Variants in KDM6B observed in about 807,000 individuals in gnomAD.
The protein encoded by KDM6B is lysine demethylase 6B.
KDM6B carries 22 observed loss-of-function variants against 150.4 expected under a neutral mutation model. The ratio of observed to expected loss-of-function variants is 0.15; its 90% CI spans 0.10 to 0.21. The LOEUF (loss-of-function observed/expected upper bound fraction) is 0.21. Ranked by LOEUF, KDM6B falls within the 10% of genes least tolerant of loss-of-function variation. KDM6B has a pLI of 1.00. For synonymous variants in KDM6B, 1,148 were observed against 921.1 expected (o/e 1.25, Z -4.46); for missense variants, 1,984 against 2,234.3 (o/e 0.89, Z 2.26).
intron 14 of KDM6B, among the ~76,000 whole-genome samples, chr17:7,850,689 T>TA (rs201430602): frequency 3.1e-5 from 1 of 32,074 alleles, no homozygotes; most frequent in African/African-American, 8.7e-5. Flanking sequence ...AGACTCCAAA[T>TA]GGGGAAAAAA....
rs1306079019 is a variant in KDM6B at position 7,844,059 on chromosome 17, C to CT, written c.-268-842_-268-841insT. 4.8e-5 allele frequency: 6 copies of CT among 124,538 alleles called. No individual in the cohort carries two copies. Among genetic ancestry groups the CT allele is most frequent in the African/African-American group, 1.9e-4 (6 of 31,844 alleles). 7.7% of individuals were successfully genotyped at this position (124,538 alleles called of 1,614,324 possible). A position where few individuals can be genotyped will look rare whatever the true frequency, so the allele number is the denominator to read the frequency against. On this transcript the variant is annotated intron_variant, in intron 2 of 23. Coordinates refer to ENST00000448097, the MANE Select transcript of KDM6B (RefSeq NM_001348716.2). The surrounding 1 kb of genome is among the most constrained non-coding windows in gnomAD (Gnocchi z 5.9). ...CCCGCCCTCCTCCCTCCCTCAGGAC[C>CT]CCCCCCCCCGCAGTACATTTACACA...
In KDM6B at chr17:7,847,587, T is replaced by C; in HGVS notation, c.1299T>C (p.Ser433=). ...DHYQTPALEV[S]HHGRLGPSAH... is the part of the protein sequence containing the mutation. Reference sequence around the variant, plus strand: ...ACCAAACTCCCGCGCTGGAGGTCTCTCACCATGGCCGCCTGGGGCCCTCGG... The same window carrying C: ...ACCAAACTCCCGCGCTGGAGGTCTCCCACCATGGCCGCCTGGGGCCCTCGG... The change falls in exon 12 of 24, where the codon TCT becomes TCC. Residue 433 remains serine, a synonymous_variant. Transcript: ENST00000448097. The C allele has an allele frequency of 1.2e-6, 2 of 1,612,844 alleles. No homozygotes were observed. The highest frequency in any genetic ancestry group is 1.7e-6 in the Non-Finnish European group (2 of 1,179,746).
intron 1 of KDM6B, among the ~76,000 whole-genome samples, chr17:7,835,359 C>G (rs754304039): frequency 1.1e-4 from 17 of 151,696 alleles, no homozygotes; most frequent in Non-Finnish European, 1.8e-4. Flanking sequence ...TGGGGAAGGC[C>G]GAGGGCAGGA....
At chr17:7,837,006 T>C (rs1207140257) in intron 1 of KDM6B, among the ~76,000 whole-genome samples, 1 of 152,134 alleles carries the variant, frequency 6.6e-6, no homozygotes, top group African/African-American at 2.4e-5. Flanking sequence ...CTTAGCATCC[T>C]GCAGGTGGGA....
chr17:7,849,789 GT>G lies in KDM6B; in HGVS notation c.3441-29del, dbSNP rs760054359. The G allele has an allele frequency of 1.1e-5, 18 of 1,612,870 alleles. No individual in the cohort carries two copies. The South Asian group carries it at 2.0e-4, about 18-fold the overall frequency. ...GGCTCCCTTCCCCCATCACCCTGAT[GT>G]TTCTGTCTTCATTCCACTGTCCTCC... On this transcript the variant is annotated intron_variant, in intron 12 of 23. Transcript: ENST00000448097.
intron 2 of KDM6B, among the ~76,000 whole-genome samples, chr17:7,842,477 G>C (rs1182574403): frequency 6.6e-6 from 1 of 152,256 alleles, no homozygotes; most frequent in Non-Finnish European, 1.5e-5. Flanking sequence ...CGAGGAGTCT[G>C]TGGGTGTCAG....
At chr17:7,836,944 C>G (rs1323266944) in intron 1 of KDM6B, among the ~76,000 whole-genome samples, 1 of 152,172 alleles carries the variant, frequency 6.6e-6, no homozygotes, top group Non-Finnish European at 1.5e-5. Context: ...ACCTCTGCCC[C>G]GAGTCCAGTT....
Position 7,849,571 on chromosome 17 carries a change from C to T in KDM6B, c.3283C>T (p.Leu1095Phe). 1 of 1,612,786 alleles carries T rather than the reference C, an allele frequency of 6.2e-7. No individual in the cohort carries two copies. The highest frequency in any genetic ancestry group is 1.1e-5 in the South Asian group (1 of 91,080). The change falls in exon 12 of 24, where the codon CTT (leucine) becomes TTT (phenylalanine). Residue 1095 changes from leucine (L) to phenylalanine (F), a missense_variant. Leu to Phe is a conservative substitution (Grantham distance 22). This residue lies in a region of KDM6B where 1,379 missense variants were observed against 1,275.6 expected (regional missense o/e 1.08). Transcript: ENST00000448097. ...SRADMLKLRS[L>F]SEGPPKELKI... is the part of the protein sequence containing the mutation. ...GGCCGACATGCTGAAGCTGCGCTCA[C>T]TTAGTGAGGGGCCCCCCAAGGAGCT...
Position 7,848,286 on chromosome 17 carries a change from A to G in KDM6B, c.1998A>G (p.Arg666=). 1 of 1,610,400 alleles carries G rather than the reference A, an allele frequency of 6.2e-7. No individual in the cohort carries two copies. Among genetic ancestry groups the G allele is most frequent in the Non-Finnish European group, 8.5e-7 (1 of 1,179,380 alleles). The change falls in exon 12 of 24, where the codon CGA becomes CGG. Residue 666 remains arginine (R), a synonymous_variant. Coordinates refer to ENST00000448097, the MANE Select transcript of KDM6B (RefSeq NM_001348716.2). Reference sequence around the variant, plus strand: ...CCGGGGTTGGGGAGCTGCCTGCCCGAGGCCCTCGACTCTTTGATTTTCCCC... The same window carrying G: ...CCGGGGTTGGGGAGCTGCCTGCCCGGGGCCCTCGACTCTTTGATTTTCCCC... ...VPPGVGELPA[R]GPRLFDFPPT...
chr17:7,850,994 G>T, intron 14 of KDM6B, 27 bp from the exon 15 acceptor site: 1 of 1,569,840 alleles, frequency 6.4e-7, no homozygotes, highest in Admixed American at 1.9e-5. Flanking sequence ...CCTCTGCCCC[G>T]ACACCCTGCT....
At position 7,846,080 on chromosome 17, in the gene KDM6B, C is replaced by A; in HGVS notation, c.239C>A (p.Ala80Glu). Residue 80 changes from alanine to glutamate, a missense_variant and splice_region_variant, in exon 7 of 24, where the codon GCG (alanine) becomes GAG (glutamate). By Grantham distance (107) the Ala-to-Glu change is moderately radical. Coordinates refer to ENST00000448097, the MANE Select transcript of KDM6B (RefSeq NM_001348716.2). Reference protein sequence around the residue: ...HPSKPYYAPGAPTPRPLHGKL... With the variant: ...HPSKPYYAPGEPTPRPLHGKL... Reference sequence around the variant, plus strand: ...CCCCCACCCCTTCTGCTCTGTAGGGCGCCCACTCCAAGACCCCTCCATGGG... The same window carrying A: ...CCCCCACCCCTTCTGCTCTGTAGGGAGCCCACTCCAAGACCCCTCCATGGG... 1 of 891,790 alleles carries A rather than the reference C, an allele frequency of 1.1e-6. No individual in the cohort carries two copies. The allele number at this position is 891,790 out of a possible 1,614,324, so 55.2% of individuals were successfully genotyped here. A position where few individuals can be genotyped will look rare whatever the true frequency, so the allele number is the denominator to read the frequency against.
chr17:7,854,299 G>A lies in KDM6B; in HGVS notation c.*778G>A. On this transcript the variant is annotated 3_prime_UTR_variant, in exon 24 of 24. Coordinates refer to ENST00000448097, the MANE Select transcript of KDM6B (RefSeq NM_001348716.2). ...AACCCGCTCCCCTCCCCTACGTCCT[G>A]CACTTTCTCGGACCAGTCCCCCCAC... The A allele has an allele frequency of 6.6e-6, 1 of 152,566 alleles. No homozygotes were observed. Among genetic ancestry groups the A allele is most frequent in the Non-Finnish European group, 1.5e-5 (1 of 68,068 alleles). The allele number at this position is 152,566 out of a possible 1,614,324, so 9.5% of individuals were successfully genotyped here. A position where few individuals can be genotyped will look rare whatever the true frequency, so the allele number is the denominator to read the frequency against.
At position 7,847,819 on chromosome 17, in the gene KDM6B, C is replaced by A. The variant is rs1264008565; in HGVS notation, c.1531C>A (p.Pro511Thr). The A allele has an allele frequency of 1.3e-6, 2 of 1,500,858 alleles. No homozygotes were observed. The highest frequency in any genetic ancestry group is 4.0e-5 in the Admixed American group (2 of 50,016). 93.0% of individuals were successfully genotyped at this position (1,500,858 alleles called of 1,614,324 possible). The change falls in exon 12 of 24, where the codon CCC becomes ACC. Residue 511 changes from proline (P) to threonine (T), a missense_variant. Transcript: ENST00000448097. ...AGAGCTCTTCTTTGGGACTGAGGGACCCCCCCGCCCTGCCCCACCACCCCT... is the reference window on the plus strand; with the variant it reads ...AGAGCTCTTCTTTGGGACTGAGGGAACCCCCCGCCCTGCCCCACCACCCCT... ...LEELFFGTEG[P>T]PRPAPPPLPH...
chr17:7,843,131 C>T lies in KDM6B; in HGVS notation c.-268-1770C>T, dbSNP rs1454883434. ...AGTGGCAGAGGGGAAGTGTCATCAT[C>T]GCCGAAGGGGAAGCTGCCTTTCCTG... On this transcript the variant is annotated intron_variant, in intron 2 of 23. Transcript: ENST00000448097. This position sits in a 1 kb window ranked among gnomAD's most constrained non-coding sequence, Gnocchi z 4.5. Among the ~76,000 whole-genome samples, 2 of 152,242 alleles carry T rather than the reference C, an allele frequency of 1.3e-5. No homozygotes were observed. Among genetic ancestry groups the T allele is most frequent in the Middle Eastern group, 3.4e-3 (1 of 294 alleles).
chr17:7,844,996 G>A lies in KDM6B; in HGVS notation c.-173G>A. 1.1e-5 allele frequency: 2 copies of A among 189,732 alleles called. No homozygotes were observed. The highest frequency in any genetic ancestry group is 1.7e-4 in the South Asian group (2 of 11,490). 11.8% of individuals were successfully genotyped at this position (189,732 alleles called of 1,614,324 possible). A position where few individuals can be genotyped will look rare whatever the true frequency, so the allele number is the denominator to read the frequency against. On this transcript the variant is annotated 5_prime_UTR_variant, in exon 3 of 24. It adds an upstream start codon to the 5' untranslated region. Coordinates refer to ENST00000448097, the MANE Select transcript of KDM6B (RefSeq NM_001348716.2). This position sits in a 1 kb window ranked among gnomAD's most constrained non-coding sequence, Gnocchi z 5.9. ...GATCTCTGGAGCTTGCCGACGCGGTGTGAGGACGCTCCCACGGAGGCCGGG... is the reference window on the plus strand; with the variant it reads ...GATCTCTGGAGCTTGCCGACGCGGTATGAGGACGCTCCCACGGAGGCCGGG...
At chr17:7,852,366 TGTG>T in intron 20 of KDM6B, 30 bp downstream of exon 20, 1 of 1,597,040 alleles carries the variant, frequency 6.3e-7, no homozygotes, top group Non-Finnish European at 8.5e-7. Context: ...GTTGGCGTGG[TGTG>T]GCGCCTCAGC....
At position 7,843,690 on chromosome 17, in the gene KDM6B, C is replaced by A. The variant is rs1368332564; in HGVS notation, c.-268-1211C>A. Among the ~76,000 whole-genome samples, 1 of 152,124 alleles carries A rather than the reference C, an allele frequency of 6.6e-6. No homozygotes were observed. Among genetic ancestry groups the A allele is most frequent in the Non-Finnish European group, 1.5e-5 (1 of 67,984 alleles). ...CGCTCCAGCTGGAGCGCTGGCCCCG[C>A]CCCCGCGGCTTTGTACTCGACACTC... On this transcript the variant is annotated intron_variant, in intron 2 of 23. Coordinates refer to ENST00000448097, the MANE Select transcript of KDM6B (RefSeq NM_001348716.2). The surrounding 1 kb of genome is among the most constrained non-coding windows in gnomAD (Gnocchi z 4.5).
intron 7 of KDM6B, 23 bp from the exon 8 acceptor site, chr17:7,846,377 G>GGGC: frequency 2.0e-6 from 3 of 1,479,430 alleles, no homozygotes; most frequent in Non-Finnish European, 2.7e-6. Flanking sequence ...ATCTGCCCCT[G>GGGC]CCCCGTGTCC....
At position 7,844,365 on chromosome 17, in the gene KDM6B, G is replaced by A. The variant is rs1419186676; in HGVS notation, c.-268-536G>A. 1 of 152,290 alleles carries A rather than the reference G, an allele frequency of 6.6e-6. No homozygotes were observed. The highest frequency in any genetic ancestry group is 1.5e-5 in the Non-Finnish European group (1 of 68,090). The allele number at this position is 152,290 out of a possible 1,614,324, so 9.4% of individuals were successfully genotyped here. On this transcript the variant is annotated intron_variant, in intron 2 of 23. Transcript: ENST00000448097. The surrounding 1 kb of genome is among the most constrained non-coding windows in gnomAD (Gnocchi z 5.9). ...CCTGGAGGAACTGGGTATGAGACTG[G>A]GGGCTTGACCAAGGTTTGGGTCGGG...
Sources: allele counts gnomAD v4.1 joint callset (sites outside exome capture counted in the v4.1 genomes callset), GRCh38; gene constraint gnomAD v4.1.1; regional missense constraint gnomAD v4.1.1; non-coding constraint Gnocchi (gnomAD v3.1); transcripts MANE v1.5; gene names NCBI Gene and HGNC (gene_info 2026-07-23, HGNC 2026-07-21).